The following FBXL5 variants were observed in gnomAD, a reference collection of about 807,000 sequenced individuals.
The protein encoded by FBXL5 is F-box/LRR-repeat protein 5.
A neutral mutation model predicts 78.3 loss-of-function variants in FBXL5; 26 were observed. The ratio of observed to expected loss-of-function variants is 0.33; its 90% CI spans 0.24 to 0.46. FBXL5 has a LOEUF of 0.46. Ranked by LOEUF, FBXL5 falls within the 20% of genes least tolerant of loss-of-function variation. The pLI is 1.00. For synonymous variants in FBXL5, 295 were observed against 282.5 expected (o/e 1.04, Z -0.45); for missense variants, 710 against 829.2 (o/e 0.86, Z 1.77).
At chr4:15,670,590 A>C (rs1717720341) in intron 1 of FBXL5, among the ~76,000 whole-genome samples, 1 of 152,168 alleles carries the variant, frequency 6.6e-6, no homozygotes, top group South Asian at 2.1e-4. Flanking sequence ...ATATATAGCC[A>C]GTGGTTCTCA....
Position 15,640,888 on chromosome 4 carries a change from A to G in FBXL5, c.301-5T>C, listed in dbSNP as rs774132184. ...ATTTAACTGTTCATATTCATTCTGGAAACCAAAAAAAAAATACATTTTTAT... is the reference window on the plus strand; with the variant it reads ...ATTTAACTGTTCATATTCATTCTGGGAACCAAAAAAAAAATACATTTTTAT... On this transcript the variant is annotated splice_polypyrimidine_tract_variant and splice_region_variant and intron_variant, in intron 2 of 10. Coordinates refer to ENST00000341285, the MANE Select transcript of FBXL5 (RefSeq NM_012161.4). The G allele has an allele frequency of 2.0e-5, 27 of 1,379,322 alleles. 1 individual carries two copies. In the South Asian group the frequency reaches 3.9e-4, roughly 20 times the overall value. The allele number at this position is 1,379,322 out of a possible 1,614,324, so 85.4% of individuals were successfully genotyped here. A position where few individuals can be genotyped will look rare whatever the true frequency, so the allele number is the denominator to read the frequency against.
At chr4:15,615,027 G>T (rs113501002) in intron 9 of FBXL5, among the ~76,000 whole-genome samples, 1 of 152,290 alleles carries the variant, frequency 6.6e-6, no homozygotes, top group Admixed American at 6.5e-5. Context: ...CAGCCCTGCC[G>T]GCCCTGGGCA....
At chr4:15,631,560 C>T (rs191669214) in intron 5 of FBXL5, among the ~76,000 whole-genome samples, 18 of 152,270 alleles carry the variant, frequency 1.2e-4, no homozygotes. Flanking sequence ...CCTATTTCTC[C>T]ACATCCTCTC....
intron 1 of FBXL5, among the ~76,000 whole-genome samples, chr4:15,645,450 C>T (rs565482436): frequency 8.6e-5 from 13 of 151,710 alleles, no homozygotes; most frequent in Admixed American, 7.2e-4. Context: ...TTTTTTGAGA[C>T]AGAGTCTTGC....
chr4:15,606,953 A>G (rs1262400722), intron 10 of FBXL5, among the ~76,000 whole-genome samples: 1 of 152,244 alleles, frequency 6.6e-6, no homozygotes, highest in African/African-American at 2.4e-5. Flanking sequence ...ATTACTTCCA[A>G]CTAAACACAT....
chr4:15,624,774 A>AAACTCTAGCTCAGC (rs1712850687), intron 9 of FBXL5, among the ~76,000 whole-genome samples: 1 of 152,192 alleles, frequency 6.6e-6, no homozygotes, highest in Non-Finnish European at 1.5e-5. Flanking sequence ...GCTACATATG[A>AAACTCTAGCTCAGC]AACTCTAGCT....
At chr4:15,654,581 C>A (rs979171647) in intron 1 of FBXL5, among the ~76,000 whole-genome samples, 1 of 152,202 alleles carries the variant, frequency 6.6e-6, no homozygotes, top group Admixed American at 6.5e-5. Flanking sequence ...AAAACGATAA[C>A]GACACATGAA....
chr4:15,641,335 G>A (rs11723478), intron 2 of FBXL5, among the ~76,000 whole-genome samples: 36,721 of 151,732 alleles, frequency 0.24, 4,663 homozygotes, highest in African/African-American at 0.28. Context: ...CTTAATTACC[G>A]ATTTTCTTCT....
upstream of FBXL5, among the ~76,000 whole-genome samples, chr4:15,663,884 A>C (rs1717421490): frequency 6.6e-6 from 1 of 152,220 alleles, no homozygotes; most frequent in African/African-American, 2.4e-5. Context: ...TACCCTGGCT[A>C]ATATAATGAC....
chr4:15,655,855 A>G (rs552942640), upstream of FBXL5, among the ~76,000 whole-genome samples: 165 of 152,232 alleles, frequency 1.1e-3, no homozygotes, highest in Middle Eastern at 3.4e-3. Flanking sequence ...CCGAGCGCAG[A>G]CCACCCCGGC....
intron 1 of FBXL5, 27 bp downstream of exon 1, chr4:15,655,177 A>G (rs1716725398): frequency 5.8e-6 from 8 of 1,368,150 alleles, no homozygotes; most frequent in Non-Finnish European, 7.7e-6. Context: ...CGCACCGCCC[A>G]CAGCGGGAGG....
At chr4:15,654,682 G>C (rs879761936) in intron 1 of FBXL5, among the ~76,000 whole-genome samples, 3 of 152,246 alleles carry the variant, frequency 2.0e-5, no homozygotes, top group Admixed American at 6.5e-5. Flanking sequence ...GTAGCTGGGA[G>C]ACGCTGCAGT....
rs1031106708 is a variant in FBXL5, at chr4:15,630,058, T to C, written c.892+608A>G. Among the ~76,000 whole-genome samples the C allele has an allele frequency of 2.6e-5, 4 of 152,310 alleles. No individual in the cohort carries two copies. The East Asian group carries it at 7.7e-4, about 29-fold the overall frequency. On this transcript the variant is annotated intron_variant, in intron 6 of 10. Coordinates refer to ENST00000341285, the MANE Select transcript of FBXL5 (RefSeq NM_012161.4). Reference sequence around the variant, plus strand: ...GACAGCATTTTTCCATCATATACTTTAAATTAAAAATTATGTTTTCTAAAT... The same window carrying C: ...GACAGCATTTTTCCATCATATACTTCAAATTAAAAATTATGTTTTCTAAAT...
chr4:15,662,218 G>A (rs183153813), upstream of FBXL5, among the ~76,000 whole-genome samples: 32 of 152,272 alleles, frequency 2.1e-4, no homozygotes, highest in African/African-American at 6.7e-4. Context: ...CTGGCTAAAC[G>A]TGGTCCAGAA....
intron 5 of FBXL5, among the ~76,000 whole-genome samples, 196 bp from the exon 6 acceptor site, chr4:15,630,987 T>C (rs1713584250): frequency 6.6e-6 from 1 of 152,228 alleles, no homozygotes; most frequent in South Asian, 2.1e-4. Context: ...TACATAGGTA[T>C]ATATGTGCCA....
At chr4:15,662,470 T>A (rs1225258174), upstream of FBXL5, among the ~76,000 whole-genome samples, 1 of 152,206 alleles carries the variant, frequency 6.6e-6, no homozygotes, top group Non-Finnish European at 1.5e-5. Context: ...GTACCTGGCA[T>A]ATTAAGCATT....
chr4:15,678,896 C>T (rs919131898), intron 1 of FBXL5, among the ~76,000 whole-genome samples: 2 of 152,020 alleles, frequency 1.3e-5, no homozygotes, highest in African/African-American at 4.8e-5. Flanking sequence ...ATTTGCAGAT[C>T]ATCATAGCTT....
intron 5 of FBXL5, among the ~76,000 whole-genome samples, chr4:15,631,384 G>A (rs530613585): frequency 3.9e-5 from 6 of 152,190 alleles, no homozygotes; most frequent in East Asian, 1.9e-4. Flanking sequence ...ACGTATGTGC[G>A]CATGTGTCTT....
At chr4:15,622,611 T>G (rs1449450696) in intron 9 of FBXL5, among the ~76,000 whole-genome samples, 1 of 152,206 alleles carries the variant, frequency 6.6e-6, no homozygotes, top group Non-Finnish European at 1.5e-5. Context: ...ATGTTTTCTG[T>G]CTATTTCTAC....
Sources: allele counts gnomAD v4.1 joint callset (sites outside exome capture counted in the v4.1 genomes callset), GRCh38; gene constraint gnomAD v4.1.1; transcripts MANE v1.5; gene names NCBI Gene and HGNC (gene_info 2026-07-23, HGNC 2026-07-21).